Variants in OBSL1 observed in about 807,000 individuals in gnomAD.
OBSL1 encodes obscurin like cytoskeletal adaptor 1, also known as obscurin-like protein 1.
In OBSL1, 160 loss-of-function variants were observed where a neutral mutation model predicts 172.0. That is an observed-to-expected ratio of 0.93 (90% CI 0.82 to 1.06). The LOEUF (loss-of-function observed/expected upper bound fraction) is 1.06, where lower values mean the gene tolerates loss of function less well. Ranked by LOEUF, OBSL1 falls within the 50% of genes least tolerant of loss-of-function variation. The pLI, the probability that OBSL1 is intolerant of heterozygous loss-of-function variation, is 0.00. For missense variants in OBSL1, 2,681 were observed against 2,715.4 expected (o/e 0.99, Z 0.28); for synonymous variants, 1,200 against 1,196.3 (o/e 1.00, Z -0.06).
Position 219,571,225 on chromosome 2 carries a change from G to A in OBSL1, c.8C>T (p.Ala3Val). MKASSGDQGSPPC... is the reference protein window; with the variant it reads MKVSSGDQGSPPC... Reference sequence around the variant, plus strand: ...GGGGCTCCCCTGATCCCCCGAGCTCGCCTTCATCGCGGCGGCCGACCGCCT... The same window carrying A: ...GGGGCTCCCCTGATCCCCCGAGCTCACCTTCATCGCGGCGGCCGACCGCCT... The change falls in exon 1 of 21, where the codon GCG (alanine) becomes GTG (valine). Residue 3 changes from alanine to valine, a missense_variant. By Grantham distance (64) the Ala-to-Val change is moderately conservative (BLOSUM62 0). Coordinates refer to ENST00000404537, the MANE Select transcript of OBSL1 (RefSeq NM_015311.3). 3.8e-6 allele frequency: 5 copies of A among 1,325,552 alleles called. No individual in the cohort carries two copies. Among genetic ancestry groups the A allele is most frequent in the Non-Finnish European group, 4.8e-6 (5 of 1,031,846 alleles). 82.1% of individuals were successfully genotyped at this position (1,325,552 alleles called of 1,614,324 possible). A position where few individuals can be genotyped will look rare whatever the true frequency, so the allele number is the denominator to read the frequency against.
chr2:219,560,880 G>A (rs77541108), intron 8 of OBSL1, among the ~76,000 whole-genome samples: 1,738 of 152,298 alleles, frequency 0.011, 13 homozygotes, highest in Middle Eastern at 0.014. Flanking sequence ...TGATGGGACC[G>A]GGTGGCTGCC....
chr2:219,558,602 GC>G, intron 9 of OBSL1, 143 bp from the exon 10 acceptor site: 1 of 1,010,544 alleles, frequency 9.9e-7, no homozygotes, highest in Non-Finnish European at 1.4e-6. Context: ...GCTGCTGTGT[GC>G]CAGGCACTGT....
chr2:219,559,166 T>A (rs892831238), intron 9 of OBSL1, 59 bp downstream of exon 9: 1 of 1,489,380 alleles, frequency 6.7e-7, no homozygotes, highest in Non-Finnish European at 9.2e-7. Flanking sequence ...GCTAGGTGGG[T>A]GTCTGTCCCT....
chr2:219,551,919 T>C, intron 19 of OBSL1, 121 bp from the exon 20 acceptor site: 2 of 849,760 alleles, frequency 2.4e-6, no homozygotes, highest in East Asian at 2.6e-5. Context: ...CACCAGTCCG[T>C]TCCCTTGCAC....
At chr2:219,549,178 G>T, downstream of OBSL1, 1 of 1,613,972 alleles carries the variant, frequency 6.2e-7, no homozygotes, top group East Asian at 2.2e-5. Flanking sequence ...GCGCCGACGC[G>T]TGCAACTGAT....
Position 219,563,497 on chromosome 2 carries a change from C to T in OBSL1, c.2538G>A (p.Glu846=). ...APVRWYKDGQ[E]VEESDFVVLE... ...GCACCACGAAGTCACTCTCCTCCAC[C>T]TCCTGCCCGTCCTTGTACCAACGCA... Residue 846 remains glutamate (E), a synonymous_variant, in exon 7 of 21, where the codon GAG becomes GAA. Transcript: ENST00000404537. 6.2e-7 allele frequency: 1 copy of T among 1,614,002 alleles called. No homozygotes were observed. The highest frequency in any genetic ancestry group is 8.5e-7 in the Non-Finnish European group (1 of 1,179,874).
intron 12 of OBSL1, 116 bp downstream of exon 12, chr2:219,557,227 G>A: frequency 5.0e-6 from 5 of 1,009,268 alleles, no homozygotes; most frequent in East Asian, 2.7e-5. Context: ...GGTCATGCAC[G>A]CACTGGTTGG....
chr2:219,562,250 G>A (rs1696533251), intron 8 of OBSL1, among the ~76,000 whole-genome samples, 152 bp downstream of exon 8: 1 of 152,126 alleles, frequency 6.6e-6, no homozygotes, highest in Admixed American at 6.5e-5. Context: ...CCTTGAATAG[G>A]GGCCCTGGGC....
Position 219,556,477 on chromosome 2 carries a change from G to C in OBSL1, c.4313C>G (p.Thr1438Arg), listed in dbSNP as rs757292292. 8 of 1,613,828 alleles carry C rather than the reference G, an allele frequency of 5.0e-6. No homozygotes were observed. The highest frequency in any genetic ancestry group is 6.8e-6 in the Non-Finnish European group (8 of 1,179,896). Residue 1438 changes from threonine (T) to arginine (R), a missense_variant, in exon 13 of 21, where the codon ACA becomes AGA. Thr to Arg is a moderately conservative substitution (Grantham distance 71). Transcript: ENST00000404537. ...ACCTCGAACATGGAGCCGGGCACTT[G>C]TGGCCGTGCTCCCTGCCCGCAAAGT... ...TVTLRAGSTATSARLHVRETE... is the reference protein window; with the variant it reads ...TVTLRAGSTARSARLHVRETE...
Position 219,554,613 on chromosome 2 carries a change from C to A in OBSL1, c.4737G>T (p.Leu1579=), listed in dbSNP as rs1389322795. The A allele has an allele frequency of 6.2e-7, 1 of 1,613,050 alleles. No homozygotes were observed. Among genetic ancestry groups the A allele is most frequent in the South Asian group, 1.1e-5 (1 of 91,000 alleles). ...GGATGTGACACTTGGGTCCTGGATACAGCTGTACTCCACCCCGGGCCCACT... is the reference window on the plus strand; with the variant it reads ...GGATGTGACACTTGGGTCCTGGATAAAGCTGTACTCCACCCCGGGCCCACT... The part of the protein sequence containing the change: ...TGEWARGGVQ[L]YPGPKCHIHS... Residue 1579 remains leucine (L), a synonymous_variant, in exon 15 of 21, where the codon CTG becomes CTT. Transcript: ENST00000404537.
intron 16 of OBSL1, 88 bp from the exon 17 acceptor site, chr2:219,553,112 G>A (rs2106011665): frequency 7.2e-6 from 10 of 1,397,740 alleles, no homozygotes; most frequent in East Asian, 2.8e-5. Context: ...CTTTGTTGAT[G>A]CCAAGCGGTC....
downstream of OBSL1, chr2:219,550,669 A>C (rs1292080057): frequency 2.9e-5 from 26 of 884,586 alleles, no homozygotes; most frequent in East Asian, 6.2e-4. Flanking sequence ...AGTGTCGCTC[A>C]CTGCACAGGG....
rs1414656434 is a variant in OBSL1, at chr2:219,562,028, CAT to C, written c.2953+372_2953+373del. On this transcript the variant is annotated intron_variant, in intron 8 of 20. Transcript: ENST00000404537. ...AAGACTCTGCAGACCAAACAAAGCA[CAT>C]GTGTGGAATGCGCAGGGCCCCAGGA... The C allele has an allele frequency of 1.7e-5, 12 of 717,270 alleles. No homozygotes were observed. In the African/African-American group the frequency reaches 1.7e-4, roughly 10 times the overall value. 44.4% of individuals were successfully genotyped at this position (717,270 alleles called of 1,614,324 possible).
downstream of OBSL1, chr2:219,547,850 C>T (rs779032730): frequency 1.9e-6 from 3 of 1,587,194 alleles, no homozygotes; most frequent in Admixed American, 1.7e-5. Flanking sequence ...GCCCCGCCCA[C>T]TCACCACCCT....
In OBSL1 at chr2:219,556,852, C is replaced by T. The variant is rs1243999204; in HGVS notation, c.4067-129G>A. 7.0e-6 allele frequency: 7 copies of T among 1,001,254 alleles called. No individual in the cohort carries two copies. In the South Asian group the frequency reaches 7.2e-5, roughly 10 times the overall value. The allele number at this position is 1,001,254 out of a possible 1,614,324, so 62.0% of individuals were successfully genotyped here. A position where few individuals can be genotyped will look rare whatever the true frequency, so the allele number is the denominator to read the frequency against. ...CCTTCTGTGAGGACCTACTATGTATCGACCACACCGATGGCCCAAAGGACA... is the reference window on the plus strand; with the variant it reads ...CCTTCTGTGAGGACCTACTATGTATTGACCACACCGATGGCCCAAAGGACA... On this transcript the variant is annotated intron_variant, in intron 12 of 20. Coordinates refer to ENST00000404537, the MANE Select transcript of OBSL1 (RefSeq NM_015311.3).
intron 14 of OBSL1, chr2:219,555,037 CAG>C (rs1381795343): frequency 4.7e-6 from 2 of 428,524 alleles, no homozygotes; most frequent in African/African-American, 3.9e-5. Context: ...AATTTGGAGT[CAG>C]ACACACTAGG....
At position 219,568,887 on chromosome 2, in the gene OBSL1, C is replaced by T. The variant is rs548095645; in HGVS notation, c.1013-563G>A. On this transcript the variant is annotated intron_variant, in intron 1 of 20. Transcript: ENST00000404537. The surrounding 1 kb of genome is among the most constrained non-coding windows in gnomAD (Gnocchi z 4.1). The stretch of plus-strand genomic sequence containing the variant: ...AGCCTCTCAAGTAGAGCTGGGATTA[C>T]AGGCAGGCGCCACCACGCCTGGCTA... 3.8e-4 allele frequency among the ~76,000 whole-genome samples: 57 copies of T among 151,948 alleles called. No homozygotes were observed. The highest frequency in any genetic ancestry group is 6.9e-4 in the Non-Finnish European group (47 of 67,940).
At chr2:219,552,406 G>A in intron 18 of OBSL1, 130 bp downstream of exon 18, 1 of 971,120 alleles carries the variant, frequency 1.0e-6, no homozygotes, top group Non-Finnish European at 1.5e-6. Flanking sequence ...GAAAGAACAG[G>A]GACGAGGCTC....
In OBSL1 at chr2:219,570,359, G is replaced by T. The variant is rs1697251313; in HGVS notation, c.874C>A (p.Arg292Ser). The T allele has an allele frequency of 6.2e-7, 1 of 1,612,928 alleles. No individual in the cohort carries two copies. The highest frequency in any genetic ancestry group is 2.2e-5 in the East Asian group (1 of 44,870). Reference protein sequence around the residue: ...EGRPLLPDRRRLMYRDRDGGF... With the variant: ...EGRPLLPDRRSLMYRDRDGGF... ...CCGTCGCGGTCGCGGTACATGAGGCGGCGGCGGTCCGGGAGCAGCGGGCGG... is the reference window on the plus strand; with the variant it reads ...CCGTCGCGGTCGCGGTACATGAGGCTGCGGCGGTCCGGGAGCAGCGGGCGG... The change falls in exon 1 of 21, where the codon CGC becomes AGC. Residue 292 changes from arginine (R) to serine (S), a missense_variant. By Grantham distance (110) the Arg-to-Ser change is moderately radical. Coordinates refer to ENST00000404537, the MANE Select transcript of OBSL1 (RefSeq NM_015311.3).
Sources: allele counts gnomAD v4.1 joint callset (sites outside exome capture counted in the v4.1 genomes callset), GRCh38; gene constraint gnomAD v4.1.1; non-coding constraint Gnocchi (gnomAD v3.1); transcripts MANE v1.5; gene names NCBI Gene and HGNC (gene_info 2026-07-23, HGNC 2026-07-21).